The following GLE1 variants were observed in gnomAD, a reference collection of about 807,000 sequenced individuals.
GLE1 encodes the protein mRNA export factor GLE1.
GLE1 carries 78 observed loss-of-function variants against 97.3 expected under a neutral mutation model. The ratio of observed to expected loss-of-function variants is 0.80; its 90% CI spans 0.67 to 0.97. GLE1 has a LOEUF of 0.97. Ranked by LOEUF, GLE1 falls within the 50% of genes least tolerant of loss-of-function variation. The probability of loss-of-function intolerance (pLI) is 0.00; values close to 1 mark genes in which losing one functional copy is unlikely to be tolerated. For synonymous variants in GLE1, 302 were observed against 313.4 expected (o/e 0.96, Z 0.39); for missense variants, 753 against 857.5 (o/e 0.88, Z 1.52).
At chr9:128,522,551 G>T in intron 3 of GLE1, 117 bp from the exon 4 acceptor site, 1 of 1,144,230 alleles carries the variant, frequency 8.7e-7, no homozygotes, top group Non-Finnish European at 1.2e-6. Context: ...TACTTGGGGA[G>T]CTGAGACAAG....
At chr9:128,540,715 T>C in intron 15 of GLE1, 1 of 358,564 alleles carries the variant, frequency 2.8e-6, no homozygotes, top group Non-Finnish European at 5.2e-6. Flanking sequence ...AGTTGGACTC[T>C]TCCCCTACTT....
chr9:128,521,909 T>A (rs1432040511), intron 3 of GLE1, among the ~76,000 whole-genome samples: 1 of 152,200 alleles, frequency 6.6e-6, no homozygotes, highest in Non-Finnish European at 1.5e-5. Flanking sequence ...CATGAAATGA[T>A]AAATTCAATA....
intron 12 of GLE1, among the ~76,000 whole-genome samples, chr9:128,537,636 T>A (rs1847757509): frequency 1.3e-5 from 2 of 151,834 alleles, no homozygotes; most frequent in African/African-American, 4.8e-5. Flanking sequence ...AAACCATGTC[T>A]CTAAATAAAA....
At chr9:128,520,457 A>G (rs35391624) in intron 3 of GLE1, among the ~76,000 whole-genome samples, 2 of 148,902 alleles carry the variant, frequency 1.3e-5, no homozygotes, top group Admixed American at 6.7e-5. Context: ...TATAAAAAAT[A>G]CAATAAAATC....
intron 3 of GLE1, 54 bp from the exon 4 acceptor site, chr9:128,522,614 C>T (rs939943613): frequency 6.7e-6 from 10 of 1,498,864 alleles, no homozygotes; most frequent in African/African-American, 1.6e-5. Context: ...TCCAGCCTGG[C>T]GACAGAGAGA....
chr9:128,528,522 C>G (rs1359020741), intron 9 of GLE1, among the ~76,000 whole-genome samples: 2 of 152,078 alleles, frequency 1.3e-5, no homozygotes, highest in Admixed American at 6.6e-5. Context: ...CCAGGATGGT[C>G]TCGACCTCCT....
intron 2 of GLE1, among the ~76,000 whole-genome samples, chr9:128,511,664 C>T (rs1158770805): frequency 6.0e-5 from 9 of 150,940 alleles, no homozygotes; most frequent in African/African-American, 2.2e-4. Context: ...TGAGATTGCG[C>T]CACTGCACAC....
intron 2 of GLE1, among the ~76,000 whole-genome samples, chr9:128,510,179 T>C (rs1846765935): frequency 6.6e-6 from 1 of 151,624 alleles, no homozygotes; most frequent in Admixed American, 6.6e-5. Flanking sequence ...TGTCTCAGCC[T>C]CCCGAATAGC....
intron 11 of GLE1, among the ~76,000 whole-genome samples, chr9:128,534,528 A>G (rs2132513091): frequency 6.6e-6 from 1 of 152,216 alleles, no homozygotes; most frequent in Middle Eastern, 3.4e-3. Flanking sequence ...CTTTGCAAAA[A>G]TGGACAAATC....
intron 3 of GLE1, among the ~76,000 whole-genome samples, chr9:128,517,815 A>G (rs1027803888): frequency 1.3e-5 from 2 of 151,970 alleles, no homozygotes; most frequent in African/African-American, 2.4e-5. Context: ...TGTATTCTCC[A>G]CTTCTTCCTT....
chr9:128,527,576 T>G (rs771678978), intron 9 of GLE1, 51 bp downstream of exon 9: 3 of 1,056,490 alleles, frequency 2.8e-6, no homozygotes, highest in Non-Finnish European at 4.5e-6. Context: ...GTATTATCTT[T>G]CAGACTCCAA....
At chr9:128,514,929 G>C (rs1344044836) in intron 2 of GLE1, among the ~76,000 whole-genome samples, 2 of 152,006 alleles carry the variant, frequency 1.3e-5, no homozygotes, top group African/African-American at 4.8e-5. Flanking sequence ...GGATTCTCCT[G>C]CCTTAGCCTG....
intron 3 of GLE1, among the ~76,000 whole-genome samples, chr9:128,518,374 A>G (rs1161326071): frequency 6.6e-6 from 1 of 152,088 alleles, no homozygotes. Flanking sequence ...CAGCCTGGCC[A>G]ACACAGTAAA....
At chr9:128,511,254 AAT>A (rs1846812003) in intron 2 of GLE1, among the ~76,000 whole-genome samples, 1 of 148,446 alleles carries the variant, frequency 6.7e-6, no homozygotes, top group South Asian at 2.1e-4. Context: ...CAAAATAAAT[AAT>A]ATATATATTA....
At chr9:128,527,604 G>A (rs1847340318) in intron 9 of GLE1, 79 bp downstream of exon 9, 1 of 886,812 alleles carries the variant, frequency 1.1e-6, no homozygotes. Flanking sequence ...TATCTGTAAG[G>A]TTCCTATAAA....
chr9:128,526,625 C>T (rs1164260478), intron 7 of GLE1, among the ~76,000 whole-genome samples: 3 of 151,906 alleles, frequency 2.0e-5, no homozygotes, highest in Non-Finnish European at 2.9e-5. Flanking sequence ...TCCCAAAGTG[C>T]TGGGATTATA....
At chr9:128,539,721 A>G in intron 14 of GLE1, 23 bp downstream of exon 14, 2 of 1,614,000 alleles carry the variant, frequency 1.2e-6, no homozygotes, top group Non-Finnish European at 1.7e-6. Context: ...TTGAGCAGAC[A>G]GCAGGGGATT....
intron 12 of GLE1, among the ~76,000 whole-genome samples, chr9:128,537,637 CT>C (rs1354760421): frequency 6.6e-6 from 1 of 151,886 alleles, no homozygotes; most frequent in African/African-American, 2.4e-5. Flanking sequence ...AACCATGTCT[CT>C]AAATAAAATA....
intron 12 of GLE1, among the ~76,000 whole-genome samples, chr9:128,537,759 A>G (rs1847761962): frequency 6.6e-6 from 1 of 152,196 alleles, no homozygotes. Flanking sequence ...GCAGTGATCC[A>G]TGATCGCACT....
Sources: allele counts gnomAD v4.1 joint callset (sites outside exome capture counted in the v4.1 genomes callset), GRCh38; gene constraint gnomAD v4.1.1; transcripts MANE v1.5; gene names NCBI Gene and HGNC (gene_info 2026-07-23, HGNC 2026-07-21).